MAST2: variants seen among roughly 807,000 people sequenced by gnomAD.
MAST2 encodes the protein microtubule-associated serine/threonine-protein kinase 2.
MAST2 carries 70 observed loss-of-function variants against 147.4 expected under a neutral mutation model. The observed-to-expected ratio is 0.47, with a 90% confidence interval of 0.39 to 0.58. MAST2 has a LOEUF of 0.58. Among genes scored for constraint, MAST2 ranks in the 20% least tolerant of loss-of-function variants. The pLI is 0.00. For missense variants in MAST2, 2,080 were observed against 2,302.3 expected, an observed-to-expected ratio of 0.90 and a Z score of 1.98; for synonymous variants, 869 against 896.8, an observed-to-expected ratio of 0.97 and a Z score of 0.55.
intron 4 of MAST2, among the ~76,000 whole-genome samples, chr1:45,933,242 G>GGT (rs1655630323): frequency 6.9e-6 from 1 of 143,976 alleles, no homozygotes; most frequent in Non-Finnish European, 1.5e-5. Flanking sequence ...AAAAAGCGGG[G>GGT]GGGTTGGGGG....
chr1:45,933,804 A>T (rs1655757542), intron 4 of MAST2, among the ~76,000 whole-genome samples: 1 of 151,596 alleles, frequency 6.6e-6, no homozygotes, highest in Non-Finnish European at 1.5e-5. Flanking sequence ...CCCTTGATAT[A>T]TTTACTTATT....
chr1:45,894,137 G>A (rs1179152776), intron 4 of MAST2, among the ~76,000 whole-genome samples: 2 of 151,924 alleles, frequency 1.3e-5, no homozygotes, highest in Non-Finnish European at 2.9e-5. Flanking sequence ...GATTGCTTGA[G>A]CCTGGGAGGT....
Position 46,019,641 on chromosome 1 carries a change from C to G in MAST2, c.1234C>G (p.Leu412Val). The G allele has an allele frequency of 6.2e-7, 1 of 1,614,136 alleles. No homozygotes were observed. Among genetic ancestry groups the G allele is most frequent in the South Asian group, 1.1e-5 (1 of 91,078 alleles). The change falls in exon 11 of 29, where the codon CTG becomes GTG. Residue 412 changes from leucine to valine, a missense_variant. Leu to Val is a conservative substitution (Grantham distance 32). This residue lies in a region of MAST2 where 569 missense variants were observed against 642.5 expected (regional missense o/e 0.89). Transcript: ENST00000361297. ...CTCAGAAGTGGCTTTTGTGATGCAG[C>G]TGGTGAAAAAGCTGATGATTATCAT... is the stretch of plus-strand genomic sequence containing the variant. ...ESSEVAFVMQLVKKLMIIIAR... is the reference protein window; with the variant it reads ...ESSEVAFVMQVVKKLMIIIAR...
intron 3 of MAST2, among the ~76,000 whole-genome samples, chr1:45,871,572 T>C (rs1041382762): frequency 4.6e-5 from 7 of 152,242 alleles, no homozygotes; most frequent in African/African-American, 1.7e-4. Context: ...ACCCATTTTC[T>C]GCTTAGAAAG....
chr1:45,827,584 T>A (rs986384237), intron 2 of MAST2, among the ~76,000 whole-genome samples: 4 of 152,036 alleles, frequency 2.6e-5, no homozygotes, highest in African/African-American at 9.7e-5. Flanking sequence ...ATTTGCAGAA[T>A]GAAGGAAAGA....
rs766434246 is a variant in MAST2, at chr1:46,025,777, C to T, written c.1881C>T (p.His627=). The change falls in exon 16 of 29, where the codon CAC becomes CAT. Residue 627 remains histidine, a synonymous_variant. Transcript: ENST00000361297. ...AETVLALEYL[H]NYGIVHRDLK... Reference sequence around the variant, plus strand: ...CTGTGCTGGCCCTGGAGTACTTACACAACTATGGCATCGTGCACCGTGACC... The same window carrying T: ...CTGTGCTGGCCCTGGAGTACTTACATAACTATGGCATCGTGCACCGTGACC... 1.8e-5 allele frequency: 29 copies of T among 1,614,102 alleles called. No individual in the cohort carries two copies. The highest frequency in any genetic ancestry group is 2.2e-5 in the East Asian group (1 of 44,898).
chr1:45,928,720 A>G (rs1464724975), intron 4 of MAST2, among the ~76,000 whole-genome samples: 1 of 152,054 alleles, frequency 6.6e-6, no homozygotes, highest in Non-Finnish European at 1.5e-5. Flanking sequence ...AGTTGGGACT[A>G]CAGACATGCA....
At chr1:45,811,816 A>G (rs1289261812) in intron 1 of MAST2, among the ~76,000 whole-genome samples, 1 of 149,980 alleles carries the variant, frequency 6.7e-6, no homozygotes, top group Non-Finnish European at 1.5e-5. Context: ...TTGTATTTTT[A>G]GTAGAGACGG....
chr1:45,973,160 G>A (rs1202812203), intron 5 of MAST2, among the ~76,000 whole-genome samples: 1 of 151,346 alleles, frequency 6.6e-6, no homozygotes, highest in Non-Finnish European at 1.5e-5. Context: ...CTTTTTTTCA[G>A]TCTGTTTGTG....
At chr1:45,882,749 C>G (rs1646905326) in intron 4 of MAST2, among the ~76,000 whole-genome samples, 1 of 152,300 alleles carries the variant, frequency 6.6e-6, no homozygotes, top group South Asian at 2.1e-4. Flanking sequence ...AAACCCTTTG[C>G]ATTTACATCT....
intron 3 of MAST2, among the ~76,000 whole-genome samples, chr1:45,851,706 A>G (rs1215155447): frequency 6.6e-6 from 1 of 152,056 alleles, no homozygotes; most frequent in East Asian, 1.9e-4. Flanking sequence ...AGCTTTTTCT[A>G]CATCTATTCA....
At chr1:45,806,756 T>C (rs1490864772) in intron 1 of MAST2, among the ~76,000 whole-genome samples, 1 of 152,160 alleles carries the variant, frequency 6.6e-6, no homozygotes, top group African/African-American at 2.4e-5. Flanking sequence ...TCTCTATTTT[T>C]AGTGGAGATG....
chr1:46,023,486 G>T lies in MAST2; in HGVS notation c.1571+168G>T. 1 of 653,918 alleles carries T rather than the reference G, an allele frequency of 1.5e-6. No homozygotes were observed. Among genetic ancestry groups the T allele is most frequent in the Non-Finnish European group, 2.7e-6 (1 of 369,202 alleles). 40.5% of individuals were successfully genotyped at this position (653,918 alleles called of 1,614,324 possible). On this transcript the variant is annotated intron_variant, in intron 14 of 28. Transcript: ENST00000361297. The surrounding 1 kb of genome is among the most constrained non-coding windows in gnomAD (Gnocchi z 4.9). ...AGGAGTTCAGATTCCTCTGACATCC[G>T]ATCATTGTTCCTTTCCCAGACAAGA...
chr1:45,818,901 C>T (rs114865208), intron 1 of MAST2, among the ~76,000 whole-genome samples: 2 of 151,916 alleles, frequency 1.3e-5, no homozygotes, highest in African/African-American at 2.4e-5. Flanking sequence ...AAGTCTCTAG[C>T]CAAAAAACAT....
intron 1 of MAST2, among the ~76,000 whole-genome samples, chr1:45,822,041 A>G (rs892215655): frequency 4.6e-5 from 7 of 151,294 alleles, no homozygotes; most frequent in African/African-American, 1.7e-4. Flanking sequence ...GGCACGTGCC[A>G]TCACGCCCAG....
At chr1:45,964,451 G>T (rs2148942948) in intron 5 of MAST2, among the ~76,000 whole-genome samples, 1 of 152,302 alleles carries the variant, frequency 6.6e-6, no homozygotes, top group African/African-American at 2.4e-5. Context: ...TTGGGAGGGG[G>T]TATGTGTCGA....
At chr1:45,913,075 T>C (rs938597360) in intron 4 of MAST2, among the ~76,000 whole-genome samples, 7 of 152,226 alleles carry the variant, frequency 4.6e-5, no homozygotes, top group African/African-American at 1.7e-4. Context: ...TTCTTAACTT[T>C]CCTTATGGCT....
At chr1:46,025,516 C>T (rs2149307557) in intron 15 of MAST2, among the ~76,000 whole-genome samples, 161 bp from the exon 16 acceptor site, 1 of 152,250 alleles carries the variant, frequency 6.6e-6, no homozygotes, top group Middle Eastern at 3.4e-3. Context: ...CACCCTGTCT[C>T]CCACCCATGC....
Position 46,024,221 on chromosome 1 carries a change from T to A in MAST2, c.1780+241T>A. 7 of 504,224 alleles carry A rather than the reference T, an allele frequency of 1.4e-5. 1 individual carries two copies. In the South Asian group the frequency reaches 1.4e-4, roughly 10 times the overall value. 31.2% of individuals were successfully genotyped at this position (504,224 alleles called of 1,614,324 possible). A position where few individuals can be genotyped will look rare whatever the true frequency, so the allele number is the denominator to read the frequency against. ...ATGTAGCAGGCCAGCAGCTATAGAA[T>A]CTTGCACCCCAAAGCCTGCACGCTC... is the stretch of plus-strand genomic sequence containing the variant. On this transcript the variant is annotated intron_variant, in intron 15 of 28. Coordinates refer to ENST00000361297, the MANE Select transcript of MAST2 (RefSeq NM_015112.3).
Sources: allele counts gnomAD v4.1 joint callset (sites outside exome capture counted in the v4.1 genomes callset), GRCh38; gene constraint gnomAD v4.1.1; regional missense constraint gnomAD v4.1.1; non-coding constraint Gnocchi (gnomAD v3.1); transcripts MANE v1.5; gene names NCBI Gene and HGNC (gene_info 2026-07-23, HGNC 2026-07-21).